TSNARE1: variants seen among roughly 807,000 people sequenced by gnomAD.
TSNARE1 encodes the protein t-SNARE domain-containing protein 1.
TSNARE1 carries 49 observed loss-of-function variants against 62.0 expected under a neutral mutation model. The observed-to-expected ratio is 0.79, with a 90% CI of 0.63 to 1.00. The LOEUF is 1.00. Ranked by LOEUF, TSNARE1 falls within the 50% of genes least tolerant of loss-of-function variation. TSNARE1 has a pLI of 0.00. For missense variants in TSNARE1, 755 were observed against 700.1 expected, an observed-to-expected ratio of 1.08 and a Z score of -0.88; for synonymous variants, 328 against 294.4, an observed-to-expected ratio of 1.11 and a Z score of -1.17.
chr8:142,301,535 CCA>C (rs1177866168), intron 9 of TSNARE1, among the ~76,000 whole-genome samples: 2 of 136,878 alleles, frequency 1.5e-5, no homozygotes, highest in Non-Finnish European at 3.2e-5. Context: ...AGGAGCCCGG[CCA>C]CAGTGCCCCC....
At chr8:142,256,376 CCATCATCAT>C (rs1563782844) in intron 12 of TSNARE1, among the ~76,000 whole-genome samples, 2,087 of 4,224 alleles carry the variant, frequency 0.49, 157 homozygotes, top group South Asian at 0.53. Context: ...ATCATCACCA[CCATCATCAT>C]CACCAATACC....
At chr8:142,249,442 C>G (rs2130264734) in intron 12 of TSNARE1, among the ~76,000 whole-genome samples, 1 of 152,190 alleles carries the variant, frequency 6.6e-6, no homozygotes, top group African/African-American at 2.4e-5. Flanking sequence ...GGACAGCCGA[C>G]CTGGAAAGGG....
At chr8:142,398,628 C>T (rs1438559796) in intron 1 of TSNARE1, among the ~76,000 whole-genome samples, 2 of 152,220 alleles carry the variant, frequency 1.3e-5, no homozygotes, top group Non-Finnish European at 2.9e-5. Flanking sequence ...GTGTCCGGAG[C>T]AAGGCCAGGA....
At chr8:142,293,208 AC>A (rs1235949870) in intron 10 of TSNARE1, among the ~76,000 whole-genome samples, 1 of 152,166 alleles carries the variant, frequency 6.6e-6, no homozygotes, top group Non-Finnish European at 1.5e-5. Context: ...TGCAAGGCTA[AC>A]CCCTTAGCGT....
intron 12 of TSNARE1, among the ~76,000 whole-genome samples, chr8:142,267,997 C>A (rs904960594): frequency 6.6e-6 from 1 of 152,192 alleles, no homozygotes; most frequent in Non-Finnish European, 1.5e-5. Context: ...TCCTTCCTGG[C>A]GAACCTCAGG....
rs540759409 is a variant in TSNARE1 at position 142,296,605 on chromosome 8, G to A, written c.1290+3881C>T. On this transcript the variant is annotated intron_variant, in intron 10 of 13. Coordinates refer to ENST00000524325, the MANE Select transcript of TSNARE1 (RefSeq NM_145003.5). ...GGCTGACCCCAGGCAAGCAAGGGCCGCTCACCTTCTGTCAGGGCAGGGACC... is the reference window on the plus strand; with the variant it reads ...GGCTGACCCCAGGCAAGCAAGGGCCACTCACCTTCTGTCAGGGCAGGGACC... Among the ~76,000 whole-genome samples the A allele has an allele frequency of 3.7e-4, 56 of 152,110 alleles. No homozygotes were observed. The South Asian group carries it at 0.011, about 30-fold the overall frequency.
chr8:142,368,634 A>C (rs1012807655), intron 1 of TSNARE1, among the ~76,000 whole-genome samples: 2 of 152,180 alleles, frequency 1.3e-5, no homozygotes, highest in Non-Finnish European at 2.9e-5. Flanking sequence ...CTGGGCGGCC[A>C]CATCCACTCA....
chr8:142,249,814 CGA>C (rs1294747065), intron 12 of TSNARE1, among the ~76,000 whole-genome samples: 2 of 152,230 alleles, frequency 1.3e-5, no homozygotes, highest in Non-Finnish European at 2.9e-5. Flanking sequence ...ATGATGTCTT[CGA>C]GAGAGCTGGG....
Position 142,344,329 on chromosome 8 carries a change from A to G in TSNARE1, c.382T>C (p.Phe128Leu), listed in dbSNP as rs541912644. The change falls in exon 4 of 14, where the codon TTC (phenylalanine) becomes CTC (leucine). Residue 128 changes from phenylalanine (F) to leucine (L), a missense_variant. Transcript: ENST00000524325. ...TTRAKKRKPN[F>L]CPQETEVLVS... The stretch of plus-strand genomic sequence containing the variant: ...AGCACCTCGGTCTCCTGCGGGCAGA[A>G]GTTGGGCTTCCTCTTCTTGGCCCGG... 19 of 1,585,316 alleles carry G rather than the reference A, an allele frequency of 1.2e-5. No individual in the cohort carries two copies. The South Asian group carries it at 2.2e-4, about 18-fold the overall frequency.
chr8:142,260,320 G>A (rs1467237081), intron 12 of TSNARE1, among the ~76,000 whole-genome samples: 1 of 152,178 alleles, frequency 6.6e-6, no homozygotes, highest in Admixed American at 6.5e-5. Context: ...GATGGAAAGA[G>A]AGAAGGGAAG....
chr8:142,258,833 C>T (rs1224479154), intron 12 of TSNARE1, among the ~76,000 whole-genome samples: 1 of 152,160 alleles, frequency 6.6e-6, no homozygotes, highest in Non-Finnish European at 1.5e-5. Context: ...GAACGCATGC[C>T]TTTCTGTTGC....
intron 1 of TSNARE1, among the ~76,000 whole-genome samples, chr8:142,366,187 C>A (rs187198728): frequency 2.6e-5 from 4 of 152,218 alleles, no homozygotes; most frequent in Admixed American, 1.3e-4. Flanking sequence ...CAGGCACCCA[C>A]CACCACGCCC....
At chr8:142,284,169 G>A (rs1019627522) in intron 11 of TSNARE1, among the ~76,000 whole-genome samples, 4 of 152,184 alleles carry the variant, frequency 2.6e-5, no homozygotes, top group Non-Finnish European at 4.4e-5. Context: ...GCCAGTGTCT[G>A]TCAATGAGCA....
At chr8:142,383,218 G>A (rs1000494350) in intron 1 of TSNARE1, among the ~76,000 whole-genome samples, 13 of 152,348 alleles carry the variant, frequency 8.5e-5, no homozygotes, top group East Asian at 3.9e-4. Context: ...GTCAGTGTGC[G>A]TGGAGAACAA....
intron 1 of TSNARE1, among the ~76,000 whole-genome samples, chr8:142,393,485 A>G (rs562627316): frequency 2.0e-5 from 3 of 152,376 alleles, no homozygotes; most frequent in African/African-American, 7.2e-5. Context: ...CCACGGGGAA[A>G]ACTGGGTGAA....
intron 13 of TSNARE1, among the ~76,000 whole-genome samples, 167 bp from the exon 14 acceptor site, chr8:142,212,480 C>T (rs1256033049): frequency 6.6e-6 from 1 of 151,960 alleles, no homozygotes; most frequent in Non-Finnish European, 1.5e-5. Flanking sequence ...CTGCAGGGGC[C>T]AGACCAGACT....
At chr8:142,304,288 C>T (rs1040014998) in intron 9 of TSNARE1, among the ~76,000 whole-genome samples, 3 of 149,014 alleles carry the variant, frequency 2.0e-5, no homozygotes, top group Admixed American at 6.6e-5. Flanking sequence ...ACGCCTCCTT[C>T]CTACGGCTCC....
intron 12 of TSNARE1, among the ~76,000 whole-genome samples, chr8:142,249,097 C>T (rs1487536783): frequency 1.3e-5 from 2 of 152,268 alleles, no homozygotes; most frequent in African/African-American, 4.8e-5. Context: ...CGCCAGACCG[C>T]ACACAGCAGG....
intron 9 of TSNARE1, among the ~76,000 whole-genome samples, chr8:142,308,853 G>A (rs889487632): frequency 1.3e-5 from 2 of 152,118 alleles, no homozygotes; most frequent in African/African-American, 4.8e-5. Context: ...GATTCACTGG[G>A]TGAGAGCTGA....
Sources: gnomAD v4.1 joint callset for allele counts (sites outside exome capture counted in the v4.1 genomes callset) on GRCh38, gnomAD v4.1.1 for gene constraint, MANE v1.5 for transcripts, NCBI Gene and HGNC (gene_info 2026-07-23, HGNC 2026-07-21) for gene names.